HMBOX1: variants seen among roughly 807,000 people sequenced by gnomAD.
HMBOX1 encodes homeobox containing 1.
Under a neutral mutation model 54.5 loss-of-function variants are expected in HMBOX1, and 14 were observed. That is an observed-to-expected ratio of 0.26 (90% CI 0.17 to 0.40). The LOEUF (loss-of-function observed/expected upper bound fraction) is 0.40. Ranked by LOEUF, HMBOX1 falls within the 10% of genes least tolerant of loss-of-function variation. HMBOX1 has a pLI of 1.00. For synonymous variants in HMBOX1, 160 were observed against 181.0 expected, an observed-to-expected ratio of 0.88 and a Z score of 0.93; for missense variants, 332 against 514.4, an observed-to-expected ratio of 0.65 and a Z score of 3.43.
At chr8:28,927,288 GAA>G in intron 1 of HMBOX1, among the ~76,000 whole-genome samples, 1 of 152,150 alleles carries the variant, frequency 6.6e-6, no homozygotes, top group Middle Eastern at 3.4e-3. Context: ...AAATTAAAAA[GAA>G]AAATATATAT....
chr8:28,991,886 G>T (rs1344902964), intron 4 of HMBOX1, among the ~76,000 whole-genome samples: 1 of 152,062 alleles, frequency 6.6e-6, no homozygotes. Context: ...TTTAGGGTTT[G>T]TATTTTTAGC....
intron 1 of HMBOX1, among the ~76,000 whole-genome samples, chr8:28,899,574 A>G (rs909814213): frequency 6.6e-6 from 1 of 152,224 alleles, no homozygotes; most frequent in African/African-American, 2.4e-5. Flanking sequence ...TTCTCTGCAG[A>G]TCTGGCAACA....
At chr8:28,925,420 A>T (rs888457158) in intron 1 of HMBOX1, among the ~76,000 whole-genome samples, 2 of 152,094 alleles carry the variant, frequency 1.3e-5, no homozygotes, top group Non-Finnish European at 2.9e-5. Flanking sequence ...AATGGCAGCC[A>T]TGTAGTTATT....
At chr8:29,014,504 A>C (rs1461615062) in intron 5 of HMBOX1, among the ~76,000 whole-genome samples, 1 of 152,190 alleles carries the variant, frequency 6.6e-6, no homozygotes, top group Non-Finnish European at 1.5e-5. Context: ...TCTGTTATTA[A>C]TAGAGTGTTT....
chr8:29,020,097 T>C (rs1439876892), intron 6 of HMBOX1, among the ~76,000 whole-genome samples: 1 of 152,226 alleles, frequency 6.6e-6, no homozygotes, highest in African/African-American at 2.4e-5. Context: ...ATTATTGTCC[T>C]GGAGACCTGA....
chr8:29,049,154 G>A, intron 9 of HMBOX1, 106 bp downstream of exon 9: 1 of 1,467,576 alleles, frequency 6.8e-7, no homozygotes, highest in Non-Finnish European at 9.4e-7. Context: ...AGGGGAAACA[G>A]TCACTGTCCC....
At chr8:29,002,331 G>A (rs1372453345) in intron 4 of HMBOX1, among the ~76,000 whole-genome samples, 1 of 152,200 alleles carries the variant, frequency 6.6e-6, no homozygotes, top group Non-Finnish European at 1.5e-5. Context: ...GGGAAAGAGA[G>A]AAGGAGACGA....
At chr8:29,004,306 A>G (rs764633238) in intron 4 of HMBOX1, among the ~76,000 whole-genome samples, 22 of 152,182 alleles carry the variant, frequency 1.4e-4, no homozygotes, top group Non-Finnish European at 3.1e-4. Context: ...AGGGTTACTA[A>G]CATGTAAGAA....
At chr8:28,930,773 AT>A (rs1217269951) in intron 1 of HMBOX1, among the ~76,000 whole-genome samples, 1 of 152,112 alleles carries the variant, frequency 6.6e-6, no homozygotes, top group Non-Finnish European at 1.5e-5. Flanking sequence ...AGTCTCAGTG[AT>A]CATTCACTTC....
At chr8:29,028,598 A>G (rs575821470) in intron 6 of HMBOX1, among the ~76,000 whole-genome samples, 2 of 152,278 alleles carry the variant, frequency 1.3e-5, no homozygotes, top group South Asian at 2.1e-4. Flanking sequence ...ACTAAATTCT[A>G]TATTTAACTG....
chr8:28,931,895 C>T (rs1277697169), intron 1 of HMBOX1, among the ~76,000 whole-genome samples: 1 of 152,112 alleles, frequency 6.6e-6, no homozygotes, highest in Non-Finnish European at 1.5e-5. Flanking sequence ...CTTTTATGTG[C>T]CAGGCACTGT....
chr8:28,948,549 C>T (rs185950452), intron 1 of HMBOX1, among the ~76,000 whole-genome samples: 91 of 152,292 alleles, frequency 6.0e-4, no homozygotes, highest in African/African-American at 2.1e-3. Context: ...CTTCTGTTTG[C>T]GCATTTATAA....
chr8:28,978,253 A>G (rs1488191575), intron 3 of HMBOX1, among the ~76,000 whole-genome samples: 1 of 152,188 alleles, frequency 6.6e-6, no homozygotes, highest in Non-Finnish European at 1.5e-5. Flanking sequence ...GGGAGCTAAA[A>G]TCCCTCATCC....
chr8:28,900,254 CA>C lies in HMBOX1; in HGVS notation c.-58+9594del, dbSNP rs1215445461. 4.5e-3 allele frequency among the ~76,000 whole-genome samples: 430 copies of C among 94,860 alleles called. 2 individuals are homozygous for C. The highest frequency in any genetic ancestry group is 0.015 in the African/African-American group (362 of 24,236). 62.2% of individuals were successfully genotyped at this position (94,860 alleles called of 152,430 possible). A position where few individuals can be genotyped will look rare whatever the true frequency, so the allele number is the denominator to read the frequency against. ...TGGGCTACAGAGCAAGATTCCGTCT[CA>C]AAAAAAAAAAAAAAAAATATATATA... On this transcript the variant is annotated intron_variant, in intron 1 of 9. Coordinates refer to ENST00000287701, the MANE Select transcript of HMBOX1 (RefSeq NM_001135726.3).
chr8:29,008,792 T>C (rs755097165), intron 4 of HMBOX1, among the ~76,000 whole-genome samples: 13 of 152,350 alleles, frequency 8.5e-5, no homozygotes, highest in South Asian at 2.1e-4. Context: ...GGAATCTCTT[T>C]ATCTCAGATT....
At chr8:29,049,208 A>G in intron 9 of HMBOX1, 160 bp downstream of exon 9, 1 of 1,500,944 alleles carries the variant, frequency 6.7e-7, no homozygotes, top group Non-Finnish European at 8.9e-7. Flanking sequence ...GTAATTTGAA[A>G]GGAATGTGGT....
rs114568446 is a variant in HMBOX1, at chr8:29,005,213, T to G, written c.587-3859T>G. On this transcript the variant is annotated intron_variant, in intron 4 of 9. Coordinates refer to ENST00000287701, the MANE Select transcript of HMBOX1 (RefSeq NM_001135726.3). ...AGCTAACCTTGCTTACTTCAGAGAG[T>G]AGAATTGGAGGGGGAAGACAGAAAT... Among the ~76,000 whole-genome samples the G allele has an allele frequency of 8.1e-3, 1,238 of 152,132 alleles. 17 individuals carry two copies. Among genetic ancestry groups the G allele is most frequent in the African/African-American group, 0.029 (1,197 of 41,484 alleles).
intron 1 of HMBOX1, among the ~76,000 whole-genome samples, chr8:28,936,957 GTTC>G (rs1372290511): frequency 6.6e-6 from 1 of 152,052 alleles, no homozygotes; most frequent in Admixed American, 6.5e-5. Flanking sequence ...GTACAATATT[GTTC>G]TTCATTTTAG....
chr8:28,950,138 A>G (rs929438063), intron 1 of HMBOX1, among the ~76,000 whole-genome samples: 1 of 152,184 alleles, frequency 6.6e-6, no homozygotes, highest in African/African-American at 2.4e-5. Context: ...ATGCCTTGAC[A>G]TTCTATTTTA....
Sources: allele counts gnomAD v4.1 joint callset (sites outside exome capture counted in the v4.1 genomes callset), GRCh38; gene constraint gnomAD v4.1.1; transcripts MANE v1.5; gene names NCBI Gene and HGNC (gene_info 2026-07-23, HGNC 2026-07-21).